ARHGAP10: variants seen among roughly 807,000 people sequenced by gnomAD.
The protein encoded by ARHGAP10 is rho GTPase-activating protein 10.
A neutral mutation model predicts 108.6 loss-of-function variants in ARHGAP10; 87 were observed. That is an observed-to-expected ratio of 0.80 (90% confidence interval 0.67 to 0.96). The LOEUF is 0.96. ARHGAP10 is among the 40% of genes least tolerant of loss of function. The pLI is 0.00. For missense variants in ARHGAP10, 939 were observed against 954.5 expected (o/e 0.98, Z 0.21); for synonymous variants, 347 against 341.1 (o/e 1.02, Z -0.19).
intron 7 of ARHGAP10, among the ~76,000 whole-genome samples, chr4:147,870,182 GC>G (rs1187857672): frequency 6.6e-6 from 1 of 151,552 alleles, no homozygotes; most frequent in East Asian, 1.9e-4. Flanking sequence ...CCTAGTTCAT[GC>G]CATCCTTCTG....
chr4:147,951,935 T>A (rs897162742), intron 15 of ARHGAP10, among the ~76,000 whole-genome samples: 1 of 152,328 alleles, frequency 6.6e-6, no homozygotes, highest in Middle Eastern at 3.4e-3. Flanking sequence ...CCATTTGAAA[T>A]CTCTCTCACA....
intron 10 of ARHGAP10, among the ~76,000 whole-genome samples, chr4:147,883,786 CCGGG>C (rs1735433586): frequency 6.6e-6 from 1 of 151,960 alleles, no homozygotes; most frequent in Non-Finnish European, 1.5e-5. Flanking sequence ...CCTCTGCCTC[CCGGG>C]CTCAAGTGAT....
chr4:148,030,309 T>C (rs140736730), intron 19 of ARHGAP10, among the ~76,000 whole-genome samples: 3 of 152,320 alleles, frequency 2.0e-5, no homozygotes, highest in African/African-American at 7.2e-5. Context: ...TTCAAGCAGC[T>C]GTCACTCTCT....
chr4:148,056,316 T>A (rs189481956), intron 20 of ARHGAP10, among the ~76,000 whole-genome samples: 1 of 152,326 alleles, frequency 6.6e-6, no homozygotes, highest in African/African-American at 2.4e-5. Context: ...ACATCTCTTC[T>A]TGTCATTAAA....
intron 1 of ARHGAP10, among the ~76,000 whole-genome samples, chr4:147,751,888 T>G (rs1460279898): frequency 6.7e-6 from 1 of 149,568 alleles, no homozygotes; most frequent in Non-Finnish European, 1.5e-5. Context: ...CTTTAGTTTT[T>G]TTTTTTTTTT....
At chr4:147,793,659 A>G (rs914144722) in intron 1 of ARHGAP10, among the ~76,000 whole-genome samples, 3 of 152,316 alleles carry the variant, frequency 2.0e-5, no homozygotes, top group South Asian at 4.1e-4. Flanking sequence ...CTGAGGCTTC[A>G]TGTGTATACT....
intron 16 of ARHGAP10, among the ~76,000 whole-genome samples, chr4:147,961,056 T>A (rs1329180858): frequency 6.6e-6 from 1 of 152,220 alleles, no homozygotes; most frequent in Non-Finnish European, 1.5e-5. Context: ...TTTTTCCTGG[T>A]TATATACCTA....
At chr4:147,766,654 A>G (rs1201222718) in intron 1 of ARHGAP10, among the ~76,000 whole-genome samples, 10 of 138,448 alleles carry the variant, frequency 7.2e-5, no homozygotes, top group Non-Finnish European at 1.4e-4. Flanking sequence ...ACCCACCCAC[A>G]CACACCCACA....
intron 13 of ARHGAP10, among the ~76,000 whole-genome samples, chr4:147,938,559 T>TA (rs974799943): frequency 8.5e-5 from 13 of 152,326 alleles, no homozygotes; most frequent in African/African-American, 3.1e-4. Flanking sequence ...TGATCTCAGA[T>TA]ACAGCATAGA....
chr4:147,753,503 CTGGCTAATTTTT>C (rs1444855347), intron 1 of ARHGAP10, among the ~76,000 whole-genome samples: 8 of 149,250 alleles, frequency 5.4e-5, no homozygotes, highest in Non-Finnish European at 1.2e-4. Context: ...ACCACCGTAC[CTGGCTAATTTTT>C]TGGTTTTTTT....
At chr4:148,034,815 T>A (rs1469037610) in intron 19 of ARHGAP10, among the ~76,000 whole-genome samples, 1 of 152,184 alleles carries the variant, frequency 6.6e-6, no homozygotes, top group East Asian at 1.9e-4. Flanking sequence ...TGGAAGACAG[T>A]TTAAGTATCT....
intron 1 of ARHGAP10, among the ~76,000 whole-genome samples, chr4:147,757,317 C>T (rs1049478331): frequency 1.3e-5 from 2 of 151,786 alleles, no homozygotes; most frequent in Non-Finnish European, 2.9e-5. Context: ...GCCTCAGCCT[C>T]CCGAAAGCTG....
chr4:147,741,966 C>G (rs889872034), intron 1 of ARHGAP10, among the ~76,000 whole-genome samples: 3 of 152,140 alleles, frequency 2.0e-5, no homozygotes, highest in African/African-American at 7.2e-5. Flanking sequence ...CTCAGAAAGA[C>G]ATTAATCCAG....
intron 3 of ARHGAP10, among the ~76,000 whole-genome samples, chr4:147,841,342 T>A (rs994674213): frequency 9.2e-5 from 14 of 152,264 alleles, no homozygotes; most frequent in African/African-American, 2.7e-4. Context: ...TCTGTATGTG[T>A]GGTTATAAAA....
chr4:147,818,230 A>C (rs1732335760), intron 1 of ARHGAP10, among the ~76,000 whole-genome samples: 1 of 151,524 alleles, frequency 6.6e-6, no homozygotes, highest in Non-Finnish European at 1.5e-5. Flanking sequence ...AATTGAAATA[A>C]TATTTGTAAG....
intron 18 of ARHGAP10, among the ~76,000 whole-genome samples, chr4:148,017,473 GCTA>G (rs945381361): frequency 6.6e-6 from 1 of 151,876 alleles, no homozygotes; most frequent in African/African-American, 2.4e-5. Flanking sequence ...AAGGTTGTGT[GCTA>G]CTTTTTCTTT....
At position 148,064,586 on chromosome 4, in the gene ARHGAP10, G is replaced by T. The variant is rs566774571; in HGVS notation, c.2272+79G>T. On this transcript the variant is annotated intron_variant, in intron 22 of 22. Coordinates refer to ENST00000336498, the MANE Select transcript of ARHGAP10 (RefSeq NM_024605.4). ...CTGCAGCATGGAGTGAGCAGTCAGC[G>T]ATGGTGCTGTTGTCGGGAGGGCGAG... 16 of 1,313,174 alleles carry T rather than the reference G, an allele frequency of 1.2e-5. 1 individual carries two copies. The Admixed American group carries it at 2.9e-4, about 23-fold the overall frequency. The allele number at this position is 1,313,174 out of a possible 1,614,324, so 81.3% of individuals were successfully genotyped here. A position where few individuals can be genotyped will look rare whatever the true frequency, so the allele number is the denominator to read the frequency against.
At chr4:147,746,394 G>C (rs1240736300) in intron 1 of ARHGAP10, among the ~76,000 whole-genome samples, 2 of 147,688 alleles carry the variant, frequency 1.4e-5, no homozygotes, top group Non-Finnish European at 3.0e-5. Context: ...GAGTCACTGC[G>C]CCAGGCCTGC....
intron 16 of ARHGAP10, among the ~76,000 whole-genome samples, chr4:147,956,665 A>G (rs1738796006): frequency 1.3e-5 from 2 of 152,144 alleles, no homozygotes; most frequent in South Asian, 4.1e-4. Flanking sequence ...AGACTGGAAA[A>G]AGCAGAAGAG....
Sources: allele counts gnomAD v4.1 joint callset (sites outside exome capture counted in the v4.1 genomes callset), GRCh38; gene constraint gnomAD v4.1.1; transcripts MANE v1.5; gene names NCBI Gene and HGNC (gene_info 2026-07-23, HGNC 2026-07-21).